RHD: variants seen among roughly 807,000 people sequenced by gnomAD.
The protein encoded by RHD is Rh blood group D antigen, also known as blood group Rh(D) polypeptide.
Under a neutral mutation model 45.5 loss-of-function variants are expected in RHD, and 16 were observed. The observed-to-expected ratio is 0.35, with a 90% confidence interval of 0.24 to 0.53. The LOEUF is 0.53. RHD is among the 20% of genes least tolerant of loss of function. The pLI, the probability that RHD is intolerant of heterozygous loss-of-function variation, is 0.92. For synonymous variants in RHD, 131 were observed against 217.5 expected (o/e 0.60, Z 3.50); for missense variants, 306 against 532.0 (o/e 0.58, Z 4.18).
At position 25,276,290 on chromosome 1, in the gene RHD, C is replaced by G. The variant is rs1279663682; in HGVS notation, c.148+3595C>G. Among the ~76,000 whole-genome samples the G allele has an allele frequency of 4.4e-4, 56 of 128,422 alleles. 10 individuals are homozygous for G. The highest frequency in any genetic ancestry group is 1.0e-3 in the African/African-American group (38 of 37,442). The allele number at this position is 128,422 out of a possible 152,430, so 84.2% of individuals were successfully genotyped here. Reference sequence around the variant, plus strand: ...TTTATGCCAGAAAAAAGAAAAAGTACAGAAGGATTATAGAAACAAGATTGG... The same window carrying G: ...TTTATGCCAGAAAAAAGAAAAAGTAGAGAAGGATTATAGAAACAAGATTGG... On this transcript the variant is annotated intron_variant, in intron 1 of 9. Coordinates refer to ENST00000328664, the MANE Select transcript of RHD (RefSeq NM_016124.6).
rs544835181 is a variant in RHD at position 25,280,950 on chromosome 1, C to T, written c.149-3623C>T. ...CTTCCTAATCTTTAGGGCCCCAACTCTGCCCTTATCCAGGCAACTCTCCTC... is the reference window on the plus strand; with the variant it reads ...CTTCCTAATCTTTAGGGCCCCAACTTTGCCCTTATCCAGGCAACTCTCCTC... On this transcript the variant is annotated intron_variant, in intron 1 of 9. Coordinates refer to ENST00000328664, the MANE Select transcript of RHD (RefSeq NM_016124.6). 5.3e-4 allele frequency among the ~76,000 whole-genome samples: 70 copies of T among 131,672 alleles called. 10 individuals are homozygous for T. The highest frequency in any genetic ancestry group is 1.7e-3 in the African/African-American group (66 of 38,540). The allele number at this position is 131,672 out of a possible 152,430, so 86.4% of individuals were successfully genotyped here.
At chr1:25,283,969 T>C (rs1641727788) in intron 1 of RHD, among the ~76,000 whole-genome samples, 1 of 134,594 alleles carries the variant, frequency 7.4e-6, no homozygotes, top group Non-Finnish European at 1.8e-5. Flanking sequence ...CCGGGAAAGG[T>C]GAGGGCTACC....
In RHD at chr1:25,303,615, G is replaced by C. The variant is rs1293468795; in HGVS notation, c.939+156G>C. Among the ~76,000 whole-genome samples, 2 of 131,150 alleles carry C rather than the reference G, an allele frequency of 1.5e-5. 1 individual carries two copies. Among genetic ancestry groups the C allele is most frequent in the Non-Finnish European group, 3.6e-5 (2 of 55,430 alleles). 86.0% of individuals were successfully genotyped at this position (131,150 alleles called of 152,430 possible). On this transcript the variant is annotated intron_variant, in intron 6 of 9. Coordinates refer to ENST00000328664, the MANE Select transcript of RHD (RefSeq NM_016124.6). Reference sequence around the variant, plus strand: ...CCTAGTGAGGGATCCATCCTGGCTCGGTGGCGCATTTGTTAAGATGCTCGG... The same window carrying C: ...CCTAGTGAGGGATCCATCCTGGCTCCGTGGCGCATTTGTTAAGATGCTCGG...
intron 3 of RHD, among the ~76,000 whole-genome samples, chr1:25,298,779 T>A (rs1643141320): frequency 7.6e-6 from 1 of 131,082 alleles, no homozygotes; most frequent in African/African-American, 2.6e-5. Flanking sequence ...AAGGAAAGAC[T>A]GCCAATAAAC....
At position 25,299,179 on chromosome 1, in the gene RHD, C is replaced by T. The variant is rs184134999; in HGVS notation, c.487-1767C>T. ...GATGGATCACTTGAGGTCAGGAGTTCGAGACCAGGCTGGGGAACATGGTGA... is the reference window on the plus strand; with the variant it reads ...GATGGATCACTTGAGGTCAGGAGTTTGAGACCAGGCTGGGGAACATGGTGA... On this transcript the variant is annotated intron_variant, in intron 3 of 9. Coordinates refer to ENST00000328664, the MANE Select transcript of RHD (RefSeq NM_016124.6). 2.2e-3 allele frequency among the ~76,000 whole-genome samples: 279 copies of T among 126,228 alleles called. 34 individuals are homozygous for T. Among genetic ancestry groups the T allele is most frequent in the African/African-American group, 7.2e-3 (263 of 36,782 alleles). The allele number at this position is 126,228 out of a possible 152,430, so 82.8% of individuals were successfully genotyped here.
rs1485296101 is a variant in RHD, at chr1:25,307,123, G to A, written c.1073+394G>A. Among the ~76,000 whole-genome samples the A allele has an allele frequency of 5.8e-4, 77 of 132,402 alleles. 14 individuals carry two copies. Among genetic ancestry groups the A allele is most frequent in the African/African-American group, 1.6e-3 (60 of 38,426 alleles). 86.9% of individuals were successfully genotyped at this position (132,402 alleles called of 152,430 possible). On this transcript the variant is annotated intron_variant, in intron 7 of 9. Transcript: ENST00000328664. ...GGCTTAACCTTTCTCAGCCTCAGTC[G>A]CCCCATTGTAAATGGAGATAATGAT...
intron 1 of RHD, among the ~76,000 whole-genome samples, chr1:25,282,990 G>A (rs1279735833): frequency 7.6e-6 from 1 of 131,754 alleles, no homozygotes; most frequent in Non-Finnish European, 1.8e-5. Flanking sequence ...TATTAATGAC[G>A]GAAAAAAAAT....
At chr1:25,300,367 C>T (rs1643290354) in intron 3 of RHD, among the ~76,000 whole-genome samples, 1 of 130,116 alleles carries the variant, frequency 7.7e-6, no homozygotes, top group Admixed American at 7.5e-5. Context: ...TAAAAATTGG[C>T]CAGGCATGGT....
At chr1:25,320,096 C>T (rs546557285) in intron 8 of RHD, among the ~76,000 whole-genome samples, 1 of 131,148 alleles carries the variant, frequency 7.6e-6, no homozygotes, top group Admixed American at 7.4e-5. Context: ...CAGGGTTTCT[C>T]CATGTTGGTC....
Position 25,290,709 on chromosome 1 carries a change from A to G in RHD, c.404A>G (p.Asn135Ser), listed in dbSNP as rs201114470. 1.8e-5 allele frequency: 25 copies of G among 1,377,450 alleles called. 7 individuals carry two copies. In the East Asian group the frequency reaches 2.2e-4, roughly 12 times the overall value. 85.3% of individuals were successfully genotyped at this position (1,377,450 alleles called of 1,614,324 possible). The change falls in exon 3 of 10, where the codon AAC (asparagine) becomes AGC (serine). Residue 135 changes from asparagine (N) to serine (S), a missense_variant. Transcript: ENST00000328664. ...ISVDAVLGKV[N>S]LAQLVVMVLV... ...GTGGATGCTGTCTTGGGGAAGGTCAACTTGGCGCAGTTGGTGGTGATGGTG... is the reference window on the plus strand; with the variant it reads ...GTGGATGCTGTCTTGGGGAAGGTCAGCTTGGCGCAGTTGGTGGTGATGGTG...
Position 25,277,831 on chromosome 1 carries a change from C to T in RHD, c.148+5136C>T, listed in dbSNP as rs1208224236. 9.5e-5 allele frequency among the ~76,000 whole-genome samples: 12 copies of T among 125,660 alleles called. 4 individuals carry two copies. The highest frequency in any genetic ancestry group is 2.1e-4 in the Non-Finnish European group (11 of 53,290). 82.4% of individuals were successfully genotyped at this position (125,660 alleles called of 152,430 possible). On this transcript the variant is annotated intron_variant, in intron 1 of 9. Transcript: ENST00000328664. ...CTGGGATTACAGGCATGCGCCACCA[C>T]GCCCGGCTAATTTTGTATTTTTAGT...
chr1:25,329,156 T>A lies in RHD; in HGVS notation c.*232T>A. The A allele has an allele frequency of 1.0e-6, 1 of 1,002,096 alleles. No homozygotes were observed. Among genetic ancestry groups the A allele is most frequent in the South Asian group, 1.4e-5 (1 of 72,636 alleles). The allele number at this position is 1,002,096 out of a possible 1,614,324, so 62.1% of individuals were successfully genotyped here. ...CAATAAAATACAGCCATGTACCACATAACAACATCTTGGTAAACAACAGAC... is the reference window on the plus strand; with the variant it reads ...CAATAAAATACAGCCATGTACCACAAAACAACATCTTGGTAAACAACAGAC... On this transcript the variant is annotated 3_prime_UTR_variant, in exon 10 of 10. Transcript: ENST00000328664.
At chr1:25,296,574 C>G (rs1268455649) in intron 3 of RHD, among the ~76,000 whole-genome samples, 1 of 130,126 alleles carries the variant, frequency 7.7e-6, no homozygotes, top group African/African-American at 2.6e-5. Context: ...CAGTTGGGTT[C>G]TGTATCCCCC....
chr1:25,290,796 G>T lies in RHD; in HGVS notation c.486+5G>T. 7.3e-7 allele frequency: 1 copy of T among 1,376,662 alleles called. No homozygotes were observed. The highest frequency in any genetic ancestry group is 1.0e-6 in the Non-Finnish European group (1 of 977,922). 85.3% of individuals were successfully genotyped at this position (1,376,662 alleles called of 1,614,324 possible). A position where few individuals can be genotyped will look rare whatever the true frequency, so the allele number is the denominator to read the frequency against. ...GTCATCAGTAATATCTTCAACGTGA[G>T]TCATGGTGCTGGGAGGAGGGACCTG... On this transcript the variant is annotated splice_donor_5th_base_variant and intron_variant, in intron 3 of 9. Transcript: ENST00000328664.
intron 7 of RHD, among the ~76,000 whole-genome samples, chr1:25,315,000 C>A (rs539216120): frequency 7.7e-6 from 1 of 129,338 alleles, no homozygotes; most frequent in South Asian, 2.4e-4. Flanking sequence ...GTCAAGAGAT[C>A]GAGATCATCC....
At chr1:25,284,271 A>G (rs1284176473) in intron 1 of RHD, among the ~76,000 whole-genome samples, 1 of 135,950 alleles carries the variant, frequency 7.4e-6, no homozygotes, top group Non-Finnish European at 1.8e-5. Flanking sequence ...TCTTATTATT[A>G]GGTTTAATAA....
intron 6 of RHD, among the ~76,000 whole-genome samples, chr1:25,306,377 G>T (rs1643836468): frequency 7.6e-6 from 1 of 131,726 alleles, no homozygotes; most frequent in African/African-American, 2.6e-5. Flanking sequence ...TGTTAGAAAT[G>T]CTGTTAGACC....
At position 25,318,536 on chromosome 1, in the gene RHD, C is replaced by T. The variant is rs1644530419; in HGVS notation, c.1153+1457C>T. ...CCAGGAGGTGGAGGTTATAGTGAGT[C>T]GAGGTTGCACCACTGCCCTCCAGCC... On this transcript the variant is annotated intron_variant, in intron 8 of 9. Coordinates refer to ENST00000328664, the MANE Select transcript of RHD (RefSeq NM_016124.6). 3.1e-5 allele frequency among the ~76,000 whole-genome samples: 4 copies of T among 131,116 alleles called. 1 individual carries two copies. The allele number at this position is 131,116 out of a possible 152,430, so 86.0% of individuals were successfully genotyped here.
rs1327655652 is a variant in RHD, at chr1:25,314,889, T to C, written c.1074-2111T>C. Among the ~76,000 whole-genome samples the C allele has an allele frequency of 5.3e-5, 7 of 131,062 alleles. 2 individuals carry two copies. Among genetic ancestry groups the C allele is most frequent in the South Asian group, 2.4e-4 (1 of 4,252 alleles). 86.0% of individuals were successfully genotyped at this position (131,062 alleles called of 152,430 possible). On this transcript the variant is annotated intron_variant, in intron 7 of 9. Transcript: ENST00000328664. ...CCAATTTATCATTGTTCCCTTTATG[T>C]TTAGTTCTTTTATGTCCTTTTTAAG...
Sources: gnomAD v4.1 joint callset for allele counts (sites outside exome capture counted in the v4.1 genomes callset) on GRCh38, gnomAD v4.1.1 for gene constraint, MANE v1.5 for transcripts, NCBI Gene and HGNC (gene_info 2026-07-23, HGNC 2026-07-21) for gene names.